The following ZFP64 variants were observed in gnomAD, a reference collection of about 807,000 sequenced individuals.
The protein encoded by ZFP64 is ZFP64 zinc finger protein.
ZFP64 carries 14 observed loss-of-function variants against 51.6 expected under a neutral mutation model. That is an observed-to-expected ratio of 0.27 (90% CI 0.18 to 0.42). The LOEUF is 0.42. ZFP64 is among the 10% of genes least tolerant of loss of function. ZFP64 has a pLI of 1.00. For synonymous variants in ZFP64, 375 were observed against 361.4 expected (o/e 1.04, Z -0.43); for missense variants, 754 against 906.8 (o/e 0.83, Z 2.16).
intron 2 of ZFP64, among the ~76,000 whole-genome samples, chr20:52,172,473 T>A (rs1982835172): frequency 6.6e-6 from 1 of 152,134 alleles, no homozygotes; most frequent in Admixed American, 6.5e-5. Flanking sequence ...TAACTATGCA[T>A]AATAGGTTAT....
At chr20:52,118,755 G>A (rs1005014117) in intron 5 of ZFP64, among the ~76,000 whole-genome samples, 5 of 152,240 alleles carry the variant, frequency 3.3e-5, no homozygotes, top group African/African-American at 9.6e-5. Context: ...TGATAAATAT[G>A]TGATAAAGGT....
intron 5 of ZFP64, among the ~76,000 whole-genome samples, chr20:52,142,578 A>G (rs944484230): frequency 1.3e-5 from 2 of 152,146 alleles, no homozygotes; most frequent in East Asian, 1.9e-4. Flanking sequence ...GCGGTGGCGC[A>G]TGCCTGTAAT....
intron 5 of ZFP64, among the ~76,000 whole-genome samples, chr20:52,101,814 G>A (rs567623288): frequency 1.9e-4 from 29 of 151,816 alleles, no homozygotes; most frequent in Non-Finnish European, 3.1e-4. Flanking sequence ...TCACCTGAGA[G>A]CTTGTTAAAA....
intron 5 of ZFP64, among the ~76,000 whole-genome samples, chr20:52,116,566 AT>A (rs1483612105): frequency 6.6e-6 from 1 of 152,142 alleles, no homozygotes; most frequent in African/African-American, 2.4e-5. Flanking sequence ...ACTATAAAAA[AT>A]AATGCATTTC....
At chr20:52,164,855 T>C in intron 3 of ZFP64, 98 bp from the exon 4 acceptor site, 1 of 936,898 alleles carries the variant, frequency 1.1e-6, no homozygotes, top group South Asian at 1.4e-5. Context: ...TGACAAGAGT[T>C]AACACCACGG....
intron 7 of ZFP64, chr20:52,088,896 T>C: frequency 1.6e-6 from 1 of 644,676 alleles, no homozygotes; most frequent in Non-Finnish European, 2.8e-6. Flanking sequence ...CAAACCCTGT[T>C]TGGGAAAAAT....
chr20:52,151,806 C>CTT lies in ZFP64; in HGVS notation c.*338_*339dup. 9.3e-7 allele frequency: 1 copy of CTT among 1,071,270 alleles called. No homozygotes were observed. The highest frequency in any genetic ancestry group is 1.1e-6 in the Non-Finnish European group (1 of 879,392). 66.4% of individuals were successfully genotyped at this position (1,071,270 alleles called of 1,614,324 possible). On this transcript the variant is annotated 3_prime_UTR_variant, in exon 6 of 6. Coordinates refer to ENST00000216923, the MANE Select transcript of ZFP64 (RefSeq NM_018197.3). ...GTGGCTCACACCTGTAATCCCAGCA[C>CTT]TTTGGGAGGCTGAGGTGGGCAGATC...
chr20:52,111,260 A>C (rs1260728874), intron 5 of ZFP64, among the ~76,000 whole-genome samples: 1 of 135,042 alleles, frequency 7.4e-6, no homozygotes, highest in Non-Finnish European at 1.5e-5. Context: ...CTCGTTGCCC[A>C]GGCTGGAGTG....
chr20:52,166,805 G>A (rs895331129), intron 2 of ZFP64, among the ~76,000 whole-genome samples: 1 of 152,096 alleles, frequency 6.6e-6, no homozygotes, highest in African/African-American at 2.4e-5. Context: ...TGCCAGGTAA[G>A]ATTTCTGTTA....
chr20:52,089,740 C>CAAA (rs35524410), intron 7 of ZFP64, among the ~76,000 whole-genome samples: 14 of 131,396 alleles, frequency 1.1e-4, no homozygotes, highest in Non-Finnish European at 2.0e-4. Context: ...GACACTGTCT[C>CAAA]AAAAAAAAAA....
intron 1 of ZFP64, among the ~76,000 whole-genome samples, chr20:52,190,121 A>G (rs1392174566): frequency 6.6e-6 from 1 of 152,234 alleles, no homozygotes; most frequent in African/African-American, 2.4e-5. Flanking sequence ...GTGATAAGCC[A>G]TCTTGCAGGG....
downstream of ZFP64, among the ~76,000 whole-genome samples, chr20:52,148,656 G>A (rs1237493390): frequency 1.3e-5 from 2 of 151,388 alleles, no homozygotes; most frequent in African/African-American, 2.4e-5. Context: ...AGCTGAGATC[G>A]CGCCACGGCA....
intron 5 of ZFP64, among the ~76,000 whole-genome samples, chr20:52,100,427 G>A (rs2079038735): frequency 1.3e-5 from 2 of 152,034 alleles, no homozygotes; most frequent in Admixed American, 1.3e-4. Context: ...TGTATTTTTA[G>A]TAGAGACAGG....
chr20:52,186,775 C>A, intron 2 of ZFP64, 57 bp downstream of exon 2: 1 of 1,547,654 alleles, frequency 6.5e-7, no homozygotes, highest in Non-Finnish European at 8.8e-7. Context: ...GTTCCATGGA[C>A]GTGTTTGAGA....
rs188953064 is a variant in ZFP64, at chr20:52,105,425, T to A, written c.764-6838A>T. 4.3e-3 allele frequency: 5,158 copies of A among 1,199,412 alleles called. 14 individuals are homozygous for A. Among genetic ancestry groups the A allele is most frequent in the Non-Finnish European group, 5.0e-3 (4,757 of 959,650 alleles). 74.3% of individuals were successfully genotyped at this position (1,199,412 alleles called of 1,614,324 possible). A position where few individuals can be genotyped will look rare whatever the true frequency, so the allele number is the denominator to read the frequency against. ...TGGCCTGGAGCCAAGACCCCAGGAG[T>A]CCCGCGGACTTGCGGTCCGCTCCCG... On this transcript the variant is annotated intron_variant, in intron 5 of 8. Transcript: ENST00000361387.
intron 5 of ZFP64, among the ~76,000 whole-genome samples, chr20:52,117,089 A>ACACG (rs2122836701): frequency 6.6e-6 from 1 of 152,108 alleles, no homozygotes; most frequent in African/African-American, 2.4e-5. Context: ...ACGCACACAC[A>ACACG]CACACACAAA....
At chr20:52,128,233 G>A (rs1979538654) in intron 5 of ZFP64, among the ~76,000 whole-genome samples, 1 of 152,154 alleles carries the variant, frequency 6.6e-6, no homozygotes, top group South Asian at 2.1e-4. Context: ...GAGGCCAAGA[G>A]TTTGAGACCA....
intron 2 of ZFP64, among the ~76,000 whole-genome samples, chr20:52,172,011 T>C (rs563185897): frequency 1.4e-4 from 21 of 152,254 alleles, no homozygotes; most frequent in African/African-American, 5.1e-4. Context: ...CCTCCCAAAG[T>C]GTTGGGATTA....
chr20:52,137,783 C>T (rs1485880827), intron 5 of ZFP64, among the ~76,000 whole-genome samples: 1 of 152,066 alleles, frequency 6.6e-6, no homozygotes, highest in African/African-American at 2.4e-5. Context: ...AAAGCTTCCT[C>T]TCATCAGGGA....
Sources: allele counts gnomAD v4.1 joint callset (sites outside exome capture counted in the v4.1 genomes callset), GRCh38; gene constraint gnomAD v4.1.1; transcripts MANE v1.5; gene names NCBI Gene and HGNC (gene_info 2026-07-23, HGNC 2026-07-21).